Variants in ZC3H4 observed in about 807,000 individuals in gnomAD.
ZC3H4 encodes the protein zinc finger CCCH-type containing 4.
ZC3H4 carries 13 observed loss-of-function variants against 108.3 expected under a neutral mutation model. The observed-to-expected ratio is 0.12, with a 90% CI of 0.08 to 0.19. ZC3H4 has a LOEUF of 0.19. Among genes scored for constraint, ZC3H4 ranks in the 10% least tolerant of loss-of-function variants. The pLI is 1.00. For missense variants in ZC3H4, 1,734 were observed against 1,838.8 expected (o/e 0.94, Z 1.04); for synonymous variants, 917 against 749.6 (o/e 1.22, Z -3.65).
In ZC3H4 at chr19:47,085,227, G is replaced by A. The variant is rs552060505; in HGVS notation, c.968-32C>T. Reference sequence around the variant, plus strand: ...AGGGGAGATTGTGTGAAGACCTGCTGACCACCCCCTCCCCCACCCCCAGGA... The same window carrying A: ...AGGGGAGATTGTGTGAAGACCTGCTAACCACCCCCTCCCCCACCCCCAGGA... On this transcript the variant is annotated intron_variant, in intron 7 of 14. Transcript: ENST00000253048. 2.5e-5 allele frequency: 39 copies of A among 1,586,768 alleles called. No homozygotes were observed. In the East Asian group the frequency reaches 9.0e-4, roughly 36 times the overall value.
At chr19:47,082,080 CAGAG>C in intron 10 of ZC3H4, 100 bp downstream of exon 10, 1 of 1,005,716 alleles carries the variant, frequency 9.9e-7, no homozygotes, top group Non-Finnish European at 1.6e-6. Context: ...GCTCTTGGCA[CAGAG>C]AGAAAGCACA....
intron 4 of ZC3H4, among the ~76,000 whole-genome samples, chr19:47,090,847 G>A (rs188082049): frequency 2.0e-4 from 30 of 152,206 alleles, no homozygotes; most frequent in African/African-American, 7.0e-4. Context: ...TTCTAACAAA[G>A]TTACCACAAC....
At position 47,067,565 on chromosome 19, in the gene ZC3H4, G is replaced by C; in HGVS notation, c.2703C>G (p.Pro901=). ...RLARALPTSK[P]EGSLHSSPVG... ...CAGGGCTGGAATGAAGGCTGCCTTC[G>C]GGCTTGGAGGTGGGCAGGGCGCGAG... is the stretch of plus-strand genomic sequence containing the variant. Residue 901 remains proline, a synonymous_variant, in exon 15 of 15, where the codon CCC becomes CCG. Transcript: ENST00000253048. This position sits in a 1 kb window ranked among gnomAD's most constrained non-coding sequence, Gnocchi z 6.4. 2 of 1,602,828 alleles carry C rather than the reference G, an allele frequency of 1.2e-6. No individual in the cohort carries two copies. The highest frequency in any genetic ancestry group is 3.4e-5 in the Admixed American group (2 of 58,894).
chr19:47,078,340 C>T (rs949557067), intron 11 of ZC3H4, among the ~76,000 whole-genome samples: 4 of 151,300 alleles, frequency 2.6e-5, no homozygotes, highest in Non-Finnish European at 5.9e-5. Context: ...CAGGCACGGA[C>T]GGGCATGGTG....
chr19:47,104,361 C>T (rs1359446884), intron 2 of ZC3H4, among the ~76,000 whole-genome samples: 1 of 152,070 alleles, frequency 6.6e-6, no homozygotes, highest in Non-Finnish European at 1.5e-5. Context: ...CTGATACAAC[C>T]TATTCGTTAA....
At chr19:47,074,473 T>C (rs1024143857) in intron 11 of ZC3H4, among the ~76,000 whole-genome samples, 1 of 152,150 alleles carries the variant, frequency 6.6e-6, no homozygotes, top group South Asian at 2.1e-4. Flanking sequence ...TCAGTTAGGA[T>C]AGCGTGCAGA....
rs769326561 is a variant in ZC3H4 at position 47,067,125 on chromosome 19, C to A, written c.3143G>T (p.Arg1048Leu). ...ANLPDFELLS[R>L]ILKTVNATGS... ...GGTGGCATTGACTGTCTTGAGGATG[C>A]GAGACAGAAGTTCAAAGTCGGGGAG... is the stretch of plus-strand genomic sequence containing the variant. The change falls in exon 15 of 15, where the codon CGC becomes CTC. Residue 1048 changes from arginine to leucine, a missense_variant. By Grantham distance (102) the Arg-to-Leu change is moderately radical. Transcript: ENST00000253048. The surrounding 1 kb of genome is among the most constrained non-coding windows in gnomAD (Gnocchi z 6.4). 4.3e-6 allele frequency: 7 copies of A among 1,611,652 alleles called. No homozygotes were observed. Among genetic ancestry groups the A allele is most frequent in the Admixed American group, 1.7e-5 (1 of 59,746 alleles).
chr19:47,075,812 C>A (rs2122763888), intron 11 of ZC3H4, among the ~76,000 whole-genome samples: 1 of 152,306 alleles, frequency 6.6e-6, no homozygotes, highest in Middle Eastern at 3.4e-3. Context: ...GAGAAAGGAG[C>A]TCAGGCCCTG....
intron 2 of ZC3H4, among the ~76,000 whole-genome samples, chr19:47,098,955 T>C (rs1184538966): frequency 6.6e-6 from 1 of 152,130 alleles, no homozygotes; most frequent in Non-Finnish European, 1.5e-5. Context: ...GAGCCTTGCT[T>C]TTCTGATCTA....
chr19:47,093,685 G>T, intron 4 of ZC3H4: 1 of 286,388 alleles, frequency 3.5e-6, no homozygotes, highest in Non-Finnish European at 6.6e-6. Flanking sequence ...TTAAACTTCT[G>T]GGCTCAAGGG....
In ZC3H4 at chr19:47,092,674, G is replaced by A. The variant is rs183276613; in HGVS notation, c.492+1296C>T. Reference sequence around the variant, plus strand: ...TCTACTAAAAATACAAAAATCAGCCGGGCAAGGTGGCACATGCCTGTAATC... The same window carrying A: ...TCTACTAAAAATACAAAAATCAGCCAGGCAAGGTGGCACATGCCTGTAATC... On this transcript the variant is annotated intron_variant, in intron 4 of 14. Coordinates refer to ENST00000253048, the MANE Select transcript of ZC3H4 (RefSeq NM_015168.2). 1.3e-3 allele frequency among the ~76,000 whole-genome samples: 194 copies of A among 152,020 alleles called. 1 individual carries two copies. Among genetic ancestry groups the A allele is most frequent in the African/African-American group, 4.5e-3 (185 of 41,446 alleles).
At chr19:47,068,708 G>C (rs1012367565) in intron 14 of ZC3H4, among the ~76,000 whole-genome samples, 5 of 152,208 alleles carry the variant, frequency 3.3e-5, no homozygotes, top group African/African-American at 1.2e-4. Flanking sequence ...ATTATTACTG[G>C]TTAATTTCAA....
chr19:47,085,558 G>C (rs1600056562), intron 6 of ZC3H4, 144 bp from the exon 7 acceptor site: 2 of 708,604 alleles, frequency 2.8e-6, no homozygotes, highest in East Asian at 2.7e-5. Flanking sequence ...CCTGACGACA[G>C]GTGGTCCCAA....
At chr19:47,102,172 C>T (rs1028846910) in intron 2 of ZC3H4, among the ~76,000 whole-genome samples, 1 of 152,254 alleles carries the variant, frequency 6.6e-6, no homozygotes, top group African/African-American at 2.4e-5. Flanking sequence ...CTCCACACTC[C>T]TCACCAAGGC....
At chr19:47,069,364 G>C (rs745941707) in intron 13 of ZC3H4, 21 bp from the exon 14 acceptor site, 1 of 1,607,242 alleles carries the variant, frequency 6.2e-7, no homozygotes, top group Admixed American at 1.7e-5. Flanking sequence ...GAAGAACCGA[G>C]GGTTCATGTC....
At chr19:47,091,181 A>C (rs1289013899) in intron 4 of ZC3H4, among the ~76,000 whole-genome samples, 1 of 152,208 alleles carries the variant, frequency 6.6e-6, no homozygotes, top group Non-Finnish European at 1.5e-5. Context: ...CTGAGGCAGG[A>C]GAATTGCTTG....
intron 13 of ZC3H4, 92 bp downstream of exon 13, chr19:47,071,686 T>C (rs540355068): frequency 8.8e-4 from 1,217 of 1,377,930 alleles, no homozygotes; most frequent in Non-Finnish European, 1.0e-3. Flanking sequence ...TCAAAGAGAC[T>C]TGGACGAAGG....
chr19:47,088,410 T>C (rs1348256444), intron 5 of ZC3H4, among the ~76,000 whole-genome samples: 1 of 151,550 alleles, frequency 6.6e-6, no homozygotes, highest in African/African-American at 2.4e-5. Context: ...AAGCCGGGCA[T>C]GGTGGTAGGC....
chr19:47,091,878 G>A (rs1341842789), intron 4 of ZC3H4, among the ~76,000 whole-genome samples: 7 of 152,168 alleles, frequency 4.6e-5, no homozygotes, highest in African/African-American at 1.7e-4. Context: ...GGGCGACAGA[G>A]CGAGACTCCA....
Sources: allele counts gnomAD v4.1 joint callset (sites outside exome capture counted in the v4.1 genomes callset), GRCh38; gene constraint gnomAD v4.1.1; non-coding constraint Gnocchi (gnomAD v3.1); transcripts MANE v1.5; gene names NCBI Gene and HGNC (gene_info 2026-07-23, HGNC 2026-07-21).